Variants in TRIM28 observed in about 807,000 individuals in gnomAD.
The protein encoded by TRIM28 is tripartite motif containing 28.
A neutral mutation model predicts 87.4 loss-of-function variants in TRIM28; 8 were observed. The observed-to-expected ratio is 0.09, with a 90% CI of 0.05 to 0.17. The LOEUF (loss-of-function observed/expected upper bound fraction) is 0.17. TRIM28 is among the 10% of genes least tolerant of loss of function. The pLI, the probability that TRIM28 is intolerant of heterozygous loss-of-function variation, is 1.00. For synonymous variants in TRIM28, 601 were observed against 454.3 expected, an observed-to-expected ratio of 1.32 and a Z score of -4.11; for missense variants, 968 against 1,131.8, an observed-to-expected ratio of 0.86 and a Z score of 2.08.
At chr19:58,548,617 A>AG in intron 9 of TRIM28, 25 bp downstream of exon 9, 2 of 1,317,462 alleles carry the variant, frequency 1.5e-6, no homozygotes, top group Admixed American at 2.2e-5. Flanking sequence ...GGACCCAGGA[A>AG]GGGGTGGGCA....
Position 58,545,551 on chromosome 19 carries a change from C to G in TRIM28, c.453+14C>G. On this transcript the variant is annotated intron_variant, in intron 2 of 16. Transcript: ENST00000253024. ...GATGCGAACCAGGTGCGTCCTATCT[C>G]AGCAACCACAAGGAGGTTTCTGGGG... is the stretch of plus-strand genomic sequence containing the variant. 1 of 1,597,196 alleles carries G rather than the reference C, an allele frequency of 6.3e-7. No individual in the cohort carries two copies. Among genetic ancestry groups the G allele is most frequent in the Non-Finnish European group, 8.6e-7 (1 of 1,166,868 alleles).
intron 10 of TRIM28, 21 bp downstream of exon 10, chr19:58,548,797 G>A (rs1339770274): frequency 1.2e-6 from 2 of 1,614,094 alleles, no homozygotes; most frequent in African/African-American, 1.3e-5. Context: ...CTGCCTAGTG[G>A]GTGGGGAAGG....
At chr19:58,546,035 C>T in intron 3 of TRIM28, 139 bp downstream of exon 3, 1 of 1,097,858 alleles carries the variant, frequency 9.1e-7, no homozygotes, top group Non-Finnish European at 1.3e-6. Flanking sequence ...GGGCAGAACT[C>T]CAGAAGCAGA....
chr19:58,548,284 TCC>T lies in TRIM28; in HGVS notation c.1102-8_1102-7del. On this transcript the variant is annotated splice_region_variant and splice_polypyrimidine_tract_variant and intron_variant, in intron 7 of 16. Transcript: ENST00000253024. ...GTGCTCATTCTTTCCTCCCTTTCAC[TCC>T]CAACCAGATCTACTTCCAGCTGCAC... 1 of 1,613,998 alleles carries T rather than the reference TCC, an allele frequency of 6.2e-7. No homozygotes were observed. The highest frequency in any genetic ancestry group is 8.5e-7 in the Non-Finnish European group (1 of 1,179,958).
chr19:58,549,499 A>G lies in TRIM28; in HGVS notation c.1831A>G (p.Thr611Ala), dbSNP rs1045299037. Residue 611 changes from threonine (T) to alanine (A), a missense_variant, in exon 13 of 17, where the codon ACC (threonine) becomes GCC (alanine). Physicochemically the swap from Thr to Ala is moderately conservative, Grantham distance 58. Coordinates refer to ENST00000253024, the MANE Select transcript of TRIM28 (RefSeq NM_005762.3). The surrounding 1 kb of genome is among the most constrained non-coding windows in gnomAD (Gnocchi z 4.4). ...SGLEVVAPEG[T>A]SAPGGGPGTL... ...GCTGGAGGTGGTGGCTCCTGAGGGTACCTCAGCCCCAGGTGGTGGCCCGGG... is the reference window on the plus strand; with the variant it reads ...GCTGGAGGTGGTGGCTCCTGAGGGTGCCTCAGCCCCAGGTGGTGGCCCGGG... The G allele has an allele frequency of 1.2e-6, 2 of 1,613,654 alleles. No individual in the cohort carries two copies. Among genetic ancestry groups the G allele is most frequent in the Admixed American group, 3.3e-5 (2 of 59,994 alleles).
chr19:58,545,290 GA>G (rs1300696033), intron 1 of TRIM28, 134 bp from the exon 2 acceptor site: 31 of 925,898 alleles, frequency 3.3e-5, no homozygotes, highest in Non-Finnish European at 4.8e-5. Context: ...TAAAGTTGGA[GA>G]AAAGAAGGCT....
At position 58,544,446 on chromosome 19, in the gene TRIM28, G is replaced by C. The variant is rs1227389774; in HGVS notation, c.-312G>C. ...GCCAGTTATTTCTGTCCCGCCCCCC[G>C]GCCTCGGCTCTTTCTGCGAGCGGGC... is the stretch of plus-strand genomic sequence containing the variant. On this transcript the variant is annotated 5_prime_UTR_variant, in exon 1 of 17. Coordinates refer to ENST00000253024, the MANE Select transcript of TRIM28 (RefSeq NM_005762.3). 1 of 152,212 alleles carries C rather than the reference G, an allele frequency of 6.6e-6. No homozygotes were observed. Among genetic ancestry groups the C allele is most frequent in the African/African-American group, 2.4e-5 (1 of 41,388 alleles). 9.4% of individuals were successfully genotyped at this position (152,212 alleles called of 1,614,324 possible).
chr19:58,545,966 G>C (rs1055649148), intron 3 of TRIM28, 70 bp downstream of exon 3: 49 of 1,527,204 alleles, frequency 3.2e-5, no homozygotes, highest in Non-Finnish European at 4.2e-5. Context: ...TTATGATGTT[G>C]GTTGCATCTG....
At position 58,544,982 on chromosome 19, in the gene TRIM28, G is replaced by C. The variant is rs1487945540; in HGVS notation, c.225G>C (p.Glu75Asp). The C allele has an allele frequency of 6.6e-7, 1 of 1,516,198 alleles. No individual in the cohort carries two copies. The highest frequency in any genetic ancestry group is 2.6e-5 in the East Asian group (1 of 38,284). The allele number at this position is 1,516,198 out of a possible 1,614,324, so 93.9% of individuals were successfully genotyped here. The stretch of plus-strand genomic sequence containing the variant: ...TGTGCAGAGAGCGCCTGCGACCCGA[G>C]AGGGAGCCCCGCCTGCTGCCCTGTT... ...CGVCRERLRP[E>D]REPRLLPCLH... The change falls in exon 1 of 17, where the codon GAG becomes GAC. Residue 75 changes from glutamate to aspartate, a missense_variant. Glu to Asp is a conservative substitution (Grantham distance 45, BLOSUM62 2). Coordinates refer to ENST00000253024, the MANE Select transcript of TRIM28 (RefSeq NM_005762.3).
Position 58,549,042 on chromosome 19 carries a change from G to A in TRIM28, c.1464G>A (p.Val488=), listed in dbSNP as rs2053788387. ...GCCTTATGCGCAAGGTGCCACGAGT[G>A]AGCCTTGAACGCCTGGACCTGGACC... is the stretch of plus-strand genomic sequence containing the variant. ...VSGLMRKVPR[V]SLERLDLDLT... is the part of the protein sequence containing the mutation. Residue 488 remains valine (V), a synonymous_variant, in exon 12 of 17, where the codon GTG becomes GTA. Coordinates refer to ENST00000253024, the MANE Select transcript of TRIM28 (RefSeq NM_005762.3). The surrounding 1 kb of genome is among the most constrained non-coding windows in gnomAD (Gnocchi z 4.4). 1 of 1,614,090 alleles carries A rather than the reference G, an allele frequency of 6.2e-7. No individual in the cohort carries two copies. The highest frequency in any genetic ancestry group is 8.5e-7 in the Non-Finnish European group (1 of 1,179,996).
In TRIM28 at chr19:58,549,743, G is replaced by T; in HGVS notation, c.1989G>T (p.Glu663Asp). Residue 663 changes from glutamate to aspartate, a missense_variant, in exon 14 of 17, where the codon GAG becomes GAT. By Grantham distance (45) the Glu-to-Asp change is conservative (BLOSUM62 2). This residue lies in a region of TRIM28 where 18 missense variants were observed against 40.9 expected (regional missense o/e 0.44). Coordinates refer to ENST00000253024, the MANE Select transcript of TRIM28 (RefSeq NM_005762.3). The surrounding 1 kb of genome is among the most constrained non-coding windows in gnomAD (Gnocchi z 4.4). ...LPALQDVPGE[E>D]WSCSLCHVLP... ...CTTATTTTCTTCACCCTAGGGAGGA[G>T]TGGAGCTGCTCACTCTGCCATGTGC... is the stretch of plus-strand genomic sequence containing the variant. 6.2e-7 allele frequency: 1 copy of T among 1,608,482 alleles called. No homozygotes were observed. The highest frequency in any genetic ancestry group is 1.3e-5 in the African/African-American group (1 of 74,918).
chr19:58,547,722 G>A lies in TRIM28; in HGVS notation c.839+9G>A, dbSNP rs1466333645. ...AAGGAGGTTCGCAGCTCGTAAGTGT[G>A]GGTTCTGGGGCTGTGGGGGTGGCCC... is the stretch of plus-strand genomic sequence containing the variant. On this transcript the variant is annotated intron_variant, in intron 5 of 16. Transcript: ENST00000253024. 1.9e-6 allele frequency: 3 copies of A among 1,614,106 alleles called. No individual in the cohort carries two copies. Among genetic ancestry groups the A allele is most frequent in the Non-Finnish European group, 2.5e-6 (3 of 1,180,008 alleles).
intron 3 of TRIM28, chr19:58,547,121 C>T: frequency 2.1e-6 from 1 of 485,858 alleles, no homozygotes. Context: ...CGCTGTTATC[C>T]TTACCCTTAC....
intron 3 of TRIM28, 119 bp downstream of exon 3, chr19:58,546,015 A>C (rs1425394352): frequency 3.1e-6 from 4 of 1,292,450 alleles, no homozygotes; most frequent in African/African-American, 1.5e-5. Context: ...GTGCCGCCCG[A>C]AGGGCCCGAG....
intron 3 of TRIM28, among the ~76,000 whole-genome samples, chr19:58,546,265 T>C (rs2053760352): frequency 6.6e-6 from 1 of 152,116 alleles, no homozygotes; most frequent in South Asian, 2.1e-4. Flanking sequence ...ACACATCTGG[T>C]ATAAGATGCT....
chr19:58,544,786 C>T lies in TRIM28; in HGVS notation c.29C>T (p.Ala10Val), dbSNP rs2053744755. 2 of 1,182,816 alleles carry T rather than the reference C, an allele frequency of 1.7e-6. No homozygotes were observed. Among genetic ancestry groups the T allele is most frequent in the African/African-American group, 1.6e-5 (1 of 61,962 alleles). 73.3% of individuals were successfully genotyped at this position (1,182,816 alleles called of 1,614,324 possible). The change falls in exon 1 of 17, where the codon GCA becomes GTA. Residue 10 changes from alanine (A) to valine (V), a missense_variant. Coordinates refer to ENST00000253024, the MANE Select transcript of TRIM28 (RefSeq NM_005762.3). The stretch of plus-strand genomic sequence containing the variant: ...GCGGCCTCCGCGGCGGCAGCCTCGG[C>T]AGCAGCGGCCTCGGCCGCCTCTGGC... MAASAAAASAAAASAASGSP... is the reference protein window; with the variant it reads MAASAAAASVAAASAASGSP...
rs1309239552 is a variant in TRIM28 at position 58,549,230 on chromosome 19, C to T, written c.1652C>T (p.Ala551Val). 3 of 1,613,384 alleles carry T rather than the reference C, an allele frequency of 1.9e-6. No homozygotes were observed. The African/African-American group carries it at 4.0e-5, about 22-fold the overall frequency. ...GGTGCCCCACCCCTGGCTGGCATGG[C>T]CATTGTCAAGGTAAGCCTGTCCCAA... ...TPGAPPLAGMAIVKEEETEAA... is the reference protein window; with the variant it reads ...TPGAPPLAGMVIVKEEETEAA... The change falls in exon 12 of 17, where the codon GCC becomes GTC. Residue 551 changes from alanine (A) to valine (V), a missense_variant. Ala to Val is a moderately conservative substitution (Grantham distance 64). This residue lies in a region of TRIM28 where 164 missense variants were observed against 146.2 expected (regional missense o/e 1.12). Coordinates refer to ENST00000253024, the MANE Select transcript of TRIM28 (RefSeq NM_005762.3). The surrounding 1 kb of genome is among the most constrained non-coding windows in gnomAD (Gnocchi z 4.4).
Position 58,550,576 on chromosome 19 carries a change from C to T in TRIM28, c.*23C>T. The T allele has an allele frequency of 6.3e-7, 1 of 1,596,062 alleles. No individual in the cohort carries two copies. Among genetic ancestry groups the T allele is most frequent in the Non-Finnish European group, 8.5e-7 (1 of 1,175,822 alleles). On this transcript the variant is annotated 3_prime_UTR_variant, in exon 17 of 17. Transcript: ENST00000253024. ...TGAGGCTGGAGCCCCCATGGCCAGCCCAGCCTGGCTCTGTTCTCTGTCCTG... is the reference window on the plus strand; with the variant it reads ...TGAGGCTGGAGCCCCCATGGCCAGCTCAGCCTGGCTCTGTTCTCTGTCCTG...
intron 1 of TRIM28, 95 bp downstream of exon 1, chr19:58,545,192 TG>T (rs1404519325): frequency 1.7e-6 from 2 of 1,190,866 alleles, no homozygotes; most frequent in East Asian, 2.7e-5. Context: ...GGCGAGAGGA[TG>T]GGGGCCCGGA....
Sources: allele counts gnomAD v4.1 joint callset (sites outside exome capture counted in the v4.1 genomes callset), GRCh38; gene constraint gnomAD v4.1.1; regional missense constraint gnomAD v4.1.1; non-coding constraint Gnocchi (gnomAD v3.1); transcripts MANE v1.5; gene names NCBI Gene and HGNC (gene_info 2026-07-23, HGNC 2026-07-21).